Variants in HECW1 observed in about 807,000 individuals in gnomAD.
The protein encoded by HECW1 is HECT, C2 and WW domain containing E3 ubiquitin protein ligase 1.
Under a neutral mutation model 182.3 loss-of-function variants are expected in HECW1, and 61 were observed. That is an observed-to-expected ratio of 0.33 (90% CI 0.27 to 0.41). HECW1 has a LOEUF of 0.41. HECW1 is among the 10% of genes least tolerant of loss of function. The pLI is 1.00. For synonymous variants in HECW1, 859 were observed against 832.6 expected (o/e 1.03, Z -0.55); for missense variants, 1,739 against 2,108.9 (o/e 0.82, Z 3.44).
chr7:43,457,261 A>G (rs2077432442), intron 13 of HECW1, among the ~76,000 whole-genome samples: 1 of 152,208 alleles, frequency 6.6e-6, no homozygotes, highest in African/African-American at 2.4e-5. Flanking sequence ...TTTAATTACC[A>G]GGAATGCAAA....
chr7:43,242,111 T>C lies in HECW1; in HGVS notation c.-31-1764T>C, dbSNP rs375728519. 2.6e-5 allele frequency among the ~76,000 whole-genome samples: 4 copies of C among 152,152 alleles called. No homozygotes were observed. In the South Asian group the frequency reaches 6.2e-4, roughly 24 times the overall value. On this transcript the variant is annotated intron_variant, in intron 2 of 29. Coordinates refer to ENST00000395891, the MANE Select transcript of HECW1 (RefSeq NM_015052.5). ...GGAGGACCAGATCCACTTTGCATGT[T>C]TGTATAAAGTAAGTCTCAAACTGGT...
intron 2 of HECW1, among the ~76,000 whole-genome samples, chr7:43,173,007 G>T (rs12674179): frequency 0.069 from 10,579 of 152,264 alleles, 535 homozygotes; most frequent in East Asian, 0.28. Flanking sequence ...CAAAGCAGTG[G>T]TTTCACACCA....
chr7:43,373,731 A>G (rs777160061), intron 6 of HECW1, among the ~76,000 whole-genome samples: 8 of 152,126 alleles, frequency 5.3e-5, no homozygotes, highest in Non-Finnish European at 8.8e-5. Flanking sequence ...ATCACCGTCT[A>G]TCTCCAGGAC....
chr7:43,524,129 A>G (rs1289283483), intron 24 of HECW1, among the ~76,000 whole-genome samples: 1 of 152,198 alleles, frequency 6.6e-6, no homozygotes, highest in African/African-American at 2.4e-5. Flanking sequence ...AGGTACCTAG[A>G]TCTTAACAAA....
At chr7:43,460,668 A>G (rs1352627752) in intron 13 of HECW1, among the ~76,000 whole-genome samples, 1 of 152,208 alleles carries the variant, frequency 6.6e-6, no homozygotes, top group Non-Finnish European at 1.5e-5. Context: ...CTACAAAAAA[A>G]TGGAGGAGGA....
chr7:43,210,955 T>C, intron 2 of HECW1, among the ~76,000 whole-genome samples: 1 of 152,142 alleles, frequency 6.6e-6, no homozygotes, highest in East Asian at 1.9e-4. Context: ...AGAGCTCCCA[T>C]ACAAAAGGAG....
intron 3 of HECW1, among the ~76,000 whole-genome samples, chr7:43,262,671 G>T (rs977711720): frequency 1.3e-5 from 2 of 152,070 alleles, no homozygotes; most frequent in Non-Finnish European, 2.9e-5. Context: ...GCATTCCTAG[G>T]GGGAAACAAA....
chr7:43,548,524 A>T (rs1430099463), intron 26 of HECW1, among the ~76,000 whole-genome samples: 1 of 152,196 alleles, frequency 6.6e-6, no homozygotes, highest in Non-Finnish European at 1.5e-5. Flanking sequence ...AAGTTGTTAG[A>T]CAGTGGAGAG....
chr7:43,407,752 A>G, intron 8 of HECW1, 21 bp downstream of exon 8: 1 of 1,585,562 alleles, frequency 6.3e-7, no homozygotes, highest in Non-Finnish European at 8.6e-7. Context: ...TGGGCCCTGA[A>G]AAAAAGCCCA....
At chr7:43,145,340 G>T (rs1423927212) in intron 2 of HECW1, among the ~76,000 whole-genome samples, 1 of 152,152 alleles carries the variant, frequency 6.6e-6, no homozygotes, top group African/African-American at 2.4e-5. Flanking sequence ...GTCTTGCCCA[G>T]GCTGGAGTGC....
intron 16 of HECW1, among the ~76,000 whole-genome samples, chr7:43,469,907 G>A (rs1042189574): frequency 4.6e-5 from 7 of 152,156 alleles, no homozygotes; most frequent in Non-Finnish European, 7.3e-5. Flanking sequence ...GCAAAGCCAC[G>A]TTCCCCAAAG....
chr7:43,539,598 T>C (rs527745213), intron 24 of HECW1, among the ~76,000 whole-genome samples: 2 of 152,392 alleles, frequency 1.3e-5, no homozygotes, highest in East Asian at 3.9e-4. Context: ...TTATTTCATA[T>C]CTGCATATAT....
chr7:43,219,125 C>T (rs562429465), intron 2 of HECW1, among the ~76,000 whole-genome samples: 8 of 151,712 alleles, frequency 5.3e-5, no homozygotes, highest in East Asian at 3.9e-4. Context: ...AAATACAGGG[C>T]GCCATGATGT....
At chr7:43,300,597 C>G (rs1376234458) in intron 3 of HECW1, among the ~76,000 whole-genome samples, 1 of 152,202 alleles carries the variant, frequency 6.6e-6, no homozygotes, top group South Asian at 2.1e-4. Flanking sequence ...CACTCTTCAT[C>G]ATGGCTCTAA....
At chr7:43,142,204 C>T (rs1788227447) in intron 2 of HECW1, among the ~76,000 whole-genome samples, 1 of 152,044 alleles carries the variant, frequency 6.6e-6, no homozygotes, top group African/African-American at 2.4e-5. Flanking sequence ...TTGGGGATGC[C>T]AATTAAACCT....
intron 2 of HECW1, among the ~76,000 whole-genome samples, chr7:43,170,771 A>G (rs894594388): frequency 6.6e-6 from 1 of 152,308 alleles, no homozygotes; most frequent in East Asian, 1.9e-4. Context: ...CCAGTGAGGG[A>G]TGAAAGTGGC....
At chr7:43,242,956 A>G (rs576289104) in intron 2 of HECW1, among the ~76,000 whole-genome samples, 125 of 152,086 alleles carry the variant, frequency 8.2e-4, no homozygotes, top group Non-Finnish European at 1.5e-3. Context: ...ATCTGCTTGG[A>G]CCAGGGTTGA....
intron 8 of HECW1, among the ~76,000 whole-genome samples, chr7:43,426,372 G>C (rs2076363330): frequency 1.3e-5 from 2 of 152,092 alleles, no homozygotes; most frequent in South Asian, 4.1e-4. Flanking sequence ...TAGTATAAAA[G>C]GTGAATGTCA....
intron 2 of HECW1, among the ~76,000 whole-genome samples, chr7:43,190,428 G>C (rs552403019): frequency 4.6e-5 from 7 of 152,214 alleles, no homozygotes; most frequent in Admixed American, 2.6e-4. Flanking sequence ...GTGTTTTATA[G>C]TCACAGTAGG....
Sources: gnomAD v4.1 joint callset for allele counts (sites outside exome capture counted in the v4.1 genomes callset) on GRCh38, gnomAD v4.1.1 for gene constraint, MANE v1.5 for transcripts, NCBI Gene and HGNC (gene_info 2026-07-23, HGNC 2026-07-21) for gene names.